The following FHIT variants were observed in gnomAD, a reference collection of about 807,000 sequenced individuals.
FHIT encodes bis(5'-adenosyl)-triphosphatase.
In FHIT, 19 loss-of-function variants were observed where a neutral mutation model predicts 17.9. The observed-to-expected ratio is 1.06, with a 90% CI of 0.74 to 1.56. FHIT has a LOEUF of 1.56. Among genes scored for constraint, FHIT ranks in the 40% most tolerant of loss-of-function variants. FHIT has a pLI of 0.00. For missense variants in FHIT, 248 were observed against 189.2 expected, an observed-to-expected ratio of 1.31 and a Z score of -1.82; for synonymous variants, 81 against 69.7, an observed-to-expected ratio of 1.16 and a Z score of -0.81.
intron 5 of FHIT, among the ~76,000 whole-genome samples, chr3:60,508,082 C>T (rs1002478899): frequency 1.3e-5 from 2 of 152,102 alleles, no homozygotes; most frequent in African/African-American, 4.8e-5. Context: ...GCTCTGACTG[C>T]TAGCTACATG....
chr3:61,075,380 A>G (rs1320776085), intron 2 of FHIT, among the ~76,000 whole-genome samples: 1 of 151,792 alleles, frequency 6.6e-6, no homozygotes, highest in African/African-American at 2.4e-5. Flanking sequence ...CCCAGAAAAT[A>G]CTATTTCATG....
chr3:61,220,958 C>A (rs941933668), intron 1 of FHIT, among the ~76,000 whole-genome samples: 2 of 152,206 alleles, frequency 1.3e-5, no homozygotes, highest in African/African-American at 4.8e-5. Flanking sequence ...ATTTGCCATG[C>A]ATCAGAAAAA....
chr3:60,459,228 T>A (rs1302828122), intron 5 of FHIT, among the ~76,000 whole-genome samples: 2 of 152,310 alleles, frequency 1.3e-5, no homozygotes, highest in Admixed American at 1.3e-4. Flanking sequence ...TTAGTATATT[T>A]TAAGGGTTGA....
At chr3:60,272,808 G>A (rs181577305) in intron 5 of FHIT, among the ~76,000 whole-genome samples, 27 of 152,262 alleles carry the variant, frequency 1.8e-4, no homozygotes, top group African/African-American at 6.3e-4. Context: ...CCACCTTTCC[G>A]TGTGCAAACG....
At chr3:60,200,960 C>T (rs1388805464) in intron 5 of FHIT, among the ~76,000 whole-genome samples, 1 of 152,090 alleles carries the variant, frequency 6.6e-6, no homozygotes, top group African/African-American at 2.4e-5. Context: ...GCATTAAGGA[C>T]AGACAAGCAA....
At chr3:61,184,064 C>A (rs942702658) in intron 2 of FHIT, among the ~76,000 whole-genome samples, 1 of 151,930 alleles carries the variant, frequency 6.6e-6, no homozygotes, top group African/African-American at 2.4e-5. Flanking sequence ...GCACGTGCAG[C>A]CACAGGAAGA....
In FHIT at chr3:61,052,846, A is replaced by G. The variant is rs184288279; in HGVS notation, c.-163-10747T>C. ...TGGTAATTCTTTTAGATGTTAATTAATCTATTTTTTTTTAAATGAAGATGA... is the reference window on the plus strand; with the variant it reads ...TGGTAATTCTTTTAGATGTTAATTAGTCTATTTTTTTTTAAATGAAGATGA... On this transcript the variant is annotated intron_variant, in intron 2 of 9. Coordinates refer to ENST00000492590, the MANE Select transcript of FHIT (RefSeq NM_002012.4). 2.3e-3 allele frequency among the ~76,000 whole-genome samples: 337 copies of G among 147,028 alleles called. 1 individual carries two copies. The highest frequency in any genetic ancestry group is 8.4e-3 in the African/African-American group (327 of 38,966).
intron 5 of FHIT, among the ~76,000 whole-genome samples, chr3:60,413,018 C>T (rs1702120122): frequency 1.3e-5 from 2 of 152,086 alleles, no homozygotes; most frequent in South Asian, 4.2e-4. Context: ...TCAATTAAGC[C>T]CTTTTTCTTT....
intron 1 of FHIT, among the ~76,000 whole-genome samples, chr3:61,208,860 T>C (rs1329164707): frequency 6.6e-6 from 1 of 152,082 alleles, no homozygotes; most frequent in Non-Finnish European, 1.5e-5. Flanking sequence ...CCTGTCATTA[T>C]GATGTTAGCT....
intron 4 of FHIT, among the ~76,000 whole-genome samples, chr3:60,688,372 C>A (rs1220562574): frequency 6.6e-6 from 1 of 151,784 alleles, no homozygotes; most frequent in Non-Finnish European, 1.5e-5. Flanking sequence ...CATATACTAT[C>A]CCCTTGCTGA....
chr3:60,500,797 A>AAAAAAAT (rs2034495150), intron 5 of FHIT, among the ~76,000 whole-genome samples: 1 of 145,420 alleles, frequency 6.9e-6, no homozygotes, highest in Admixed American at 6.8e-5. Flanking sequence ...AAAAAAAAAA[A>AAAAAAAT]TTGTATTGGT....
chr3:60,137,017 C>A (rs1419984093), intron 5 of FHIT, among the ~76,000 whole-genome samples: 2 of 152,060 alleles, frequency 1.3e-5, no homozygotes, highest in Admixed American at 6.6e-5. Context: ...TGATAGTGTC[C>A]TTTTGGCATT....
intron 5 of FHIT, among the ~76,000 whole-genome samples, chr3:60,275,786 C>G (rs1454152504): frequency 6.6e-6 from 1 of 152,174 alleles, no homozygotes; most frequent in Non-Finnish European, 1.5e-5. Flanking sequence ...AACTGATATT[C>G]TATCTTCTCA....
At chr3:59,969,805 T>A (rs3772471) in intron 7 of FHIT, among the ~76,000 whole-genome samples, 25,851 of 152,034 alleles carry the variant, frequency 0.17, 2,445 homozygotes, top group East Asian at 0.37. Flanking sequence ...TTCTTGAAAG[T>A]AAAATAACAA....
chr3:60,039,560 G>A (rs956687077), intron 5 of FHIT, among the ~76,000 whole-genome samples: 10 of 152,180 alleles, frequency 6.6e-5, no homozygotes, highest in African/African-American at 1.7e-4. Context: ...AGATAATTGA[G>A]AGCTGGATTA....
chr3:60,779,021 T>C (rs564375361), intron 4 of FHIT, among the ~76,000 whole-genome samples: 4 of 152,338 alleles, frequency 2.6e-5, no homozygotes, highest in African/African-American at 9.6e-5. Flanking sequence ...TGCAAACCCA[T>C]GGCTAGGCTC....
intron 4 of FHIT, among the ~76,000 whole-genome samples, chr3:60,613,879 T>C (rs2038860874): frequency 2.0e-5 from 3 of 151,892 alleles, no homozygotes; most frequent in African/African-American, 7.3e-5. Context: ...AGGTAAGGGC[T>C]CAGGTACCCA....
intron 4 of FHIT, among the ~76,000 whole-genome samples, chr3:60,802,274 C>A (rs1400165845): frequency 6.6e-6 from 1 of 152,174 alleles, no homozygotes; most frequent in Non-Finnish European, 1.5e-5. Flanking sequence ...TGGATCAAGC[C>A]ATGGGCCATT....
chr3:61,097,078 CAAAAAA>C (rs4020380), intron 2 of FHIT, among the ~76,000 whole-genome samples: 1 of 99,754 alleles, frequency 1.0e-5, no homozygotes, highest in African/African-American at 4.0e-5. Context: ...GACTCAATCT[CAAAAAA>C]AAAAAAAAAA....
Sources: allele counts gnomAD v4.1 joint callset (sites outside exome capture counted in the v4.1 genomes callset), GRCh38; gene constraint gnomAD v4.1.1; transcripts MANE v1.5; gene names NCBI Gene and HGNC (gene_info 2026-07-23, HGNC 2026-07-21).